OPCML: variants seen among roughly 807,000 people sequenced by gnomAD.
The protein encoded by OPCML is opioid-binding protein/cell adhesion molecule.
Under a neutral mutation model 37.8 loss-of-function variants are expected in OPCML, and 13 were observed. That is an observed-to-expected ratio of 0.34 (90% CI 0.22 to 0.55). The LOEUF is 0.55. Ranked by LOEUF, OPCML falls within the 20% of genes least tolerant of loss-of-function variation. The probability of loss-of-function intolerance (pLI) is 0.91; values close to 1 mark genes in which losing one functional copy is unlikely to be tolerated. For synonymous variants in OPCML, 176 were observed against 168.8 expected, an observed-to-expected ratio of 1.04 and a Z score of -0.33; for missense variants, 341 against 435.6, an observed-to-expected ratio of 0.78 and a Z score of 1.93.
chr11:133,093,167 C>T (rs899365717), intron 1 of OPCML, among the ~76,000 whole-genome samples: 1 of 151,962 alleles, frequency 6.6e-6, no homozygotes, highest in Non-Finnish European at 1.5e-5. Context: ...TTGGTGTACC[C>T]ATCACCCAAG....
intron 1 of OPCML, among the ~76,000 whole-genome samples, chr11:132,948,857 T>A (rs931795527): frequency 2.0e-5 from 3 of 152,220 alleles, no homozygotes; most frequent in Admixed American, 6.5e-5. Flanking sequence ...AAATGCCCTA[T>A]GTACAAACTA....
At chr11:132,903,947 A>C (rs533677096) in intron 2 of OPCML, among the ~76,000 whole-genome samples, 52 of 152,350 alleles carry the variant, frequency 3.4e-4, no homozygotes, top group African/African-American at 1.2e-3. Context: ...GGCATTCTCT[A>C]TCTGAAATCA....
At chr11:133,442,184 A>T (rs1437823149) in intron 1 of OPCML, among the ~76,000 whole-genome samples, 2 of 152,162 alleles carry the variant, frequency 1.3e-5, no homozygotes, top group East Asian at 3.8e-4. Flanking sequence ...TTGGGTTTAA[A>T]CTGAATTTGA....
intron 4 of OPCML, among the ~76,000 whole-genome samples, chr11:132,441,227 G>A (rs2096033326): frequency 7.5e-6 from 1 of 134,100 alleles, no homozygotes; most frequent in Non-Finnish European, 1.5e-5. Context: ...GAGTGCAGTG[G>A]CGGGATCTCG....
chr11:132,489,452 G>T (rs1032188350), intron 4 of OPCML, among the ~76,000 whole-genome samples: 1 of 152,138 alleles, frequency 6.6e-6, no homozygotes, highest in Non-Finnish European at 1.5e-5. Context: ...AGTAACGATC[G>T]TTTATTGTCA....
intron 3 of OPCML, among the ~76,000 whole-genome samples, chr11:132,552,906 C>G (rs557140928): frequency 6.6e-6 from 1 of 151,948 alleles, no homozygotes; most frequent in South Asian, 2.1e-4. Context: ...ACTGGGACTA[C>G]AGGTGCCCGC....
At chr11:133,453,063 C>G (rs760818202) in intron 1 of OPCML, among the ~76,000 whole-genome samples, 1 of 152,160 alleles carries the variant, frequency 6.6e-6, no homozygotes, top group Admixed American at 6.6e-5. Flanking sequence ...AGAGACACAT[C>G]GAACTGGATG....
At chr11:132,969,142 GTCATTCTTAT>G (rs1188304429) in intron 1 of OPCML, among the ~76,000 whole-genome samples, 1 of 144,914 alleles carries the variant, frequency 6.9e-6, no homozygotes, top group East Asian at 2.1e-4. Flanking sequence ...AGTCCATTGT[GTCATTCTTAT>G]GCCATTGCAT....
At chr11:132,426,037 T>A (rs1275758185) in intron 7 of OPCML, among the ~76,000 whole-genome samples, 1 of 152,346 alleles carries the variant, frequency 6.6e-6, no homozygotes, top group East Asian at 1.9e-4. Flanking sequence ...TTCACCCTTT[T>A]TAATGTTAAA....
At chr11:133,024,733 C>G in intron 1 of OPCML, 2 of 938,112 alleles carry the variant, frequency 2.1e-6, no homozygotes, top group Middle Eastern at 5.5e-4. Context: ...TGCCAGCCCT[C>G]GCGCTTTTGA....
chr11:133,040,451 C>G lies in OPCML; in HGVS notation c.62-97441G>C, dbSNP rs1466514079. ...TCTTTTCCTGTGAGTCAAAGCCTTT[C>G]CCCATCTGGCCCCTCCAGTCCTTCC... On this transcript the variant is annotated intron_variant, in intron 1 of 7. Transcript: ENST00000524381. Among the ~76,000 whole-genome samples, 3 of 152,346 alleles carry G rather than the reference C, an allele frequency of 2.0e-5. No homozygotes were observed. The East Asian group carries it at 5.8e-4, about 29-fold the overall frequency.
intron 2 of OPCML, among the ~76,000 whole-genome samples, chr11:132,901,465 G>A (rs535925908): frequency 3.9e-5 from 6 of 152,244 alleles, no homozygotes; most frequent in South Asian, 2.1e-4. Flanking sequence ...ATAGCCCAGC[G>A]TTGCACTTGT....
At chr11:132,710,091 T>C (rs1944201296) in intron 2 of OPCML, among the ~76,000 whole-genome samples, 1 of 152,232 alleles carries the variant, frequency 6.6e-6, no homozygotes, top group African/African-American at 2.4e-5. Flanking sequence ...TCTCCAACTC[T>C]GGTGTACGCT....
chr11:132,549,599 A>C (rs1446092924), intron 3 of OPCML, among the ~76,000 whole-genome samples: 1 of 152,190 alleles, frequency 6.6e-6, no homozygotes, highest in Admixed American at 6.5e-5. Flanking sequence ...GCAGCCCCAA[A>C]TCATTTTCTA....
chr11:132,430,254 C>T lies in OPCML; in HGVS notation c.916+5832G>A, dbSNP rs115281072. On this transcript the variant is annotated intron_variant, in intron 7 of 7. Coordinates refer to ENST00000524381, the MANE Select transcript of OPCML (RefSeq NM_001012393.5). ...CTGGGGATAGGTGTAGTTGTGAAGA[C>T]GCCCTAATACAGACATGGAACGAGA... 1.8e-3 allele frequency among the ~76,000 whole-genome samples: 276 copies of T among 151,996 alleles called. 1 individual carries two copies. The highest frequency in any genetic ancestry group is 6.3e-3 in the African/African-American group (260 of 41,424).
intron 1 of OPCML, among the ~76,000 whole-genome samples, chr11:132,995,799 A>AT (rs1456735452): frequency 6.6e-6 from 1 of 152,186 alleles, no homozygotes; most frequent in African/African-American, 2.4e-5. Flanking sequence ...TGTGTCCAGG[A>AT]TAACCCCAGA....
At chr11:133,018,606 C>T (rs770493691) in intron 1 of OPCML, among the ~76,000 whole-genome samples, 1 of 152,130 alleles carries the variant, frequency 6.6e-6, no homozygotes. Flanking sequence ...TTGTGCTCCG[C>T]GCTGTATTTA....
At chr11:132,811,011 A>G (rs528056849) in intron 2 of OPCML, among the ~76,000 whole-genome samples, 1 of 152,300 alleles carries the variant, frequency 6.6e-6, no homozygotes, top group Non-Finnish European at 1.5e-5. Context: ...ATGCTTCCTG[A>G]AGCCTAACCT....
intron 4 of OPCML, among the ~76,000 whole-genome samples, chr11:132,507,818 T>G (rs1455079017): frequency 6.6e-6 from 1 of 151,616 alleles, no homozygotes; most frequent in East Asian, 1.9e-4. Context: ...ATATTCCTAG[T>G]TATAACTACT....
Sources: allele counts gnomAD v4.1 joint callset (sites outside exome capture counted in the v4.1 genomes callset), GRCh38; gene constraint gnomAD v4.1.1; transcripts MANE v1.5; gene names NCBI Gene and HGNC (gene_info 2026-07-23, HGNC 2026-07-21).